EPM2A: variants seen among roughly 807,000 people sequenced by gnomAD.
EPM2A encodes EPM2A glucan phosphatase, laforin.
In EPM2A, 21 loss-of-function variants were observed where a neutral mutation model predicts 26.5. The ratio of observed to expected loss-of-function variants is 0.79; its 90% CI spans 0.56 to 1.14. EPM2A has a LOEUF of 1.14. Among genes scored for constraint, EPM2A ranks in the 50% most tolerant of loss-of-function variants. The pLI is 0.00. For synonymous variants in EPM2A, 217 were observed against 177.6 expected, an observed-to-expected ratio of 1.22 and a Z score of -1.76; for missense variants, 458 against 440.8, an observed-to-expected ratio of 1.04 and a Z score of -0.35.
chr6:145,406,014 AACAG>A (rs1473520672), intron 4 of EPM2A, among the ~76,000 whole-genome samples: 2 of 126,138 alleles, frequency 1.6e-5, no homozygotes, highest in African/African-American at 2.6e-5. Context: ...ACACACACAC[AACAG>A]ACAGACACAC....
intron 2 of EPM2A, chr6:145,670,747 A>G: frequency 5.4e-6 from 1 of 183,606 alleles, no homozygotes; most frequent in Non-Finnish European, 1.0e-5. Flanking sequence ...TGCTTAATAT[A>G]TTTAAATATA....
At chr6:145,611,628 G>A (rs1208196606) in intron 2 of EPM2A, among the ~76,000 whole-genome samples, 1 of 151,928 alleles carries the variant, frequency 6.6e-6, no homozygotes, top group Non-Finnish European at 1.5e-5. Context: ...ACAATACATT[G>A]TCTGCAATTT....
At chr6:145,591,414 C>T (rs1258553433) in intron 2 of EPM2A, among the ~76,000 whole-genome samples, 1 of 152,194 alleles carries the variant, frequency 6.6e-6, no homozygotes, top group East Asian at 1.9e-4. Flanking sequence ...TCATCTTCAA[C>T]TCTAGAAACC....
At chr6:145,467,684 G>T (rs989695235) in intron 4 of EPM2A, among the ~76,000 whole-genome samples, 1 of 152,018 alleles carries the variant, frequency 6.6e-6, no homozygotes, top group African/African-American at 2.4e-5. Context: ...ATTAATTTGG[G>T]GAGAAATAAC....
At chr6:145,385,638 A>T (rs185229696) in intron 4 of EPM2A, among the ~76,000 whole-genome samples, 23 of 152,236 alleles carry the variant, frequency 1.5e-4, no homozygotes, top group Non-Finnish European at 2.8e-4. Context: ...CAAAAATTGG[A>T]CATAATTTAA....
chr6:145,489,814 T>G, intron 4 of EPM2A: 1 of 1,435,138 alleles, frequency 7.0e-7, no homozygotes, highest in Non-Finnish European at 9.8e-7. Context: ...GTGGTCCAAG[T>G]CTGCTTCTAG....
chr6:145,615,287 G>A (rs1775482080), intron 2 of EPM2A, among the ~76,000 whole-genome samples: 1 of 152,076 alleles, frequency 6.6e-6, no homozygotes, highest in Admixed American at 6.5e-5. Flanking sequence ...TTACAAAAGG[G>A]GATTTTCTCT....
chr6:145,541,955 T>A (rs145116558), intron 2 of EPM2A, among the ~76,000 whole-genome samples: 84 of 151,684 alleles, frequency 5.5e-4, no homozygotes, highest in African/African-American at 1.8e-3. Context: ...CACTTTTACA[T>A]ATGAGGAGAT....
intron 4 of EPM2A, among the ~76,000 whole-genome samples, chr6:145,455,218 T>A (rs1021833016): frequency 3.3e-5 from 5 of 152,116 alleles, no homozygotes; most frequent in African/African-American, 1.2e-4. Context: ...AATCAATATA[T>A]ATTAAATTTT....
intron 2 of EPM2A, among the ~76,000 whole-genome samples, chr6:145,511,371 A>G (rs1780052860): frequency 6.6e-6 from 1 of 152,198 alleles, no homozygotes; most frequent in Non-Finnish European, 1.5e-5. Flanking sequence ...ATACTAGCAA[A>G]CTGAATTGAG....
At chr6:145,681,077 T>C (rs1780493040) in intron 2 of EPM2A, among the ~76,000 whole-genome samples, 1 of 152,138 alleles carries the variant, frequency 6.6e-6, no homozygotes, top group Admixed American at 6.6e-5. Flanking sequence ...CTTGAATGAT[T>C]GCAATTCTAA....
intron 2 of EPM2A, among the ~76,000 whole-genome samples, chr6:145,589,789 G>A (rs1781244373): frequency 6.6e-6 from 1 of 151,470 alleles, no homozygotes. Flanking sequence ...GGATAGCAAA[G>A]TGGTATCTGA....
chr6:145,445,462 A>T (rs1324531117), intron 4 of EPM2A, among the ~76,000 whole-genome samples: 3 of 152,240 alleles, frequency 2.0e-5, no homozygotes, highest in African/African-American at 7.2e-5. Flanking sequence ...TTTATCCAGT[A>T]TAGAGAATCT....
rs1352639686 is a variant in EPM2A, at chr6:145,713,995, T to C, written c.301+21203A>G. Among the ~76,000 whole-genome samples the C allele has an allele frequency of 5.9e-5, 9 of 152,170 alleles. No homozygotes were observed. The East Asian group carries it at 1.7e-3, about 29-fold the overall frequency. ...GCCAGTTACAAAGGGCCACATATTG[T>C]ATGACTCCATTTCTATGAAATATCC... On this transcript the variant is annotated intron_variant, in intron 1 of 3. Coordinates refer to ENST00000367519, the MANE Select transcript of EPM2A (RefSeq NM_005670.4).
intron 4 of EPM2A, among the ~76,000 whole-genome samples, chr6:145,404,686 T>C (rs1251961501): frequency 6.6e-5 from 10 of 152,118 alleles, no homozygotes; most frequent in African/African-American, 1.9e-4. Flanking sequence ...CTCAACAACA[T>C]TGTCAATCCT....
At chr6:145,599,015 A>T (rs151086464) in intron 2 of EPM2A, among the ~76,000 whole-genome samples, 10 of 152,308 alleles carry the variant, frequency 6.6e-5, no homozygotes, top group African/African-American at 2.4e-4. Flanking sequence ...GTAGCCCTGT[A>T]GTACAGTCTG....
intron 2 of EPM2A, among the ~76,000 whole-genome samples, chr6:145,547,885 A>T (rs1372748350): frequency 6.6e-6 from 1 of 152,064 alleles, no homozygotes; most frequent in East Asian, 1.9e-4. Flanking sequence ...TTTTTCCTAC[A>T]TTATTTGATT....
chr6:145,712,167 ATTT>A (rs1775368337), intron 1 of EPM2A, among the ~76,000 whole-genome samples: 1 of 152,166 alleles, frequency 6.6e-6, no homozygotes, highest in African/African-American at 2.4e-5. Context: ...TAGATAATTC[ATTT>A]TAAGAAGGGG....
chr6:145,479,317 G>GTATA lies in EPM2A; in HGVS notation c.555+23201_555+23204dup, dbSNP rs146664619. 5.5e-5 allele frequency among the ~76,000 whole-genome samples: 8 copies of GTATA among 145,394 alleles called. No individual in the cohort carries two copies. In the East Asian group the frequency reaches 7.9e-4, roughly 14 times the overall value. ...ACTATATATATATACATATATATGTGTATATATATATATATGATTCAAGGG... is the reference window on the plus strand; with the variant it reads ...ACTATATATATATACATATATATGTGTATATATATATATATATATGATTCAAGGG... On this transcript the variant is annotated intron_variant, in intron 4 of 4. Coordinates refer to the EPM2A transcript ENST00000638717.
Sources: gnomAD v4.1 joint callset for allele counts (sites outside exome capture counted in the v4.1 genomes callset) on GRCh38, gnomAD v4.1.1 for gene constraint, MANE v1.5 for transcripts, NCBI Gene and HGNC (gene_info 2026-07-23, HGNC 2026-07-21) for gene names.